Variants in PALLD observed in about 807,000 individuals in gnomAD.
PALLD encodes the protein palladin, cytoskeletal associated protein, also known as palladin.
Under a neutral mutation model 123.5 loss-of-function variants are expected in PALLD, and 61 were observed. The observed-to-expected ratio is 0.49, with a 90% CI of 0.40 to 0.61. The LOEUF (loss-of-function observed/expected upper bound fraction) is 0.61, where lower values mean the gene tolerates loss of function less well. Among genes scored for constraint, PALLD ranks in the 20% least tolerant of loss-of-function variants. The pLI is 0.00. For missense variants in PALLD, 1,273 were observed against 1,377.0 expected (o/e 0.92, Z 1.20); for synonymous variants, 465 against 496.4 (o/e 0.94, Z 0.84).
rs891132838 is a variant in PALLD, at chr4:168,869,011, T to C, written c.1965-21911T>C. On this transcript the variant is annotated intron_variant, in intron 10 of 21. Transcript: ENST00000505667. This position sits in a 1 kb window ranked among gnomAD's most constrained non-coding sequence, Gnocchi z 4.5. Reference sequence around the variant, plus strand: ...GGCACTGGTACAGGCTGCCACTGCCTGGAACATGATGGAGCGCCTCACAGA... The same window carrying C: ...GGCACTGGTACAGGCTGCCACTGCCCGGAACATGATGGAGCGCCTCACAGA... Among the ~76,000 whole-genome samples, 3 of 152,154 alleles carry C rather than the reference T, an allele frequency of 2.0e-5. No homozygotes were observed. Among genetic ancestry groups the C allele is most frequent in the Non-Finnish European group, 4.4e-5 (3 of 68,036 alleles).
At chr4:168,899,683 G>C (rs751386108) in intron 14 of PALLD, among the ~76,000 whole-genome samples, 1 of 152,124 alleles carries the variant, frequency 6.6e-6, no homozygotes, top group Non-Finnish European at 1.5e-5. Context: ...TTGCGAGGCC[G>C]AGATGGGTGG....
intron 10 of PALLD, among the ~76,000 whole-genome samples, chr4:168,736,896 A>AG (rs1787812593): frequency 6.6e-6 from 1 of 152,016 alleles, no homozygotes; most frequent in South Asian, 2.1e-4. Context: ...TGGGAGGGGG[A>AG]GGGGAGTGGT....
chr4:168,833,720 G>A (rs1744684409), intron 10 of PALLD, among the ~76,000 whole-genome samples: 1 of 151,436 alleles, frequency 6.6e-6, no homozygotes, highest in African/African-American at 2.4e-5. Context: ...TAGAAAGACA[G>A]CATCTTTCTT....
At chr4:168,558,096 T>C (rs1767505808) in intron 2 of PALLD, among the ~76,000 whole-genome samples, 1 of 152,200 alleles carries the variant, frequency 6.6e-6, no homozygotes, top group Non-Finnish European at 1.5e-5. Context: ...CCTCAGCTCC[T>C]GCAAATCAGT....
At position 168,605,036 on chromosome 4, in the gene PALLD, T is replaced by C. The variant is rs187300832; in HGVS notation, c.909-63154T>C. Reference sequence around the variant, plus strand: ...GTTTGTCGAAGTCTTTGTACTCTGATACCTTCTTTGGAATATCAAATATAA... The same window carrying C: ...GTTTGTCGAAGTCTTTGTACTCTGACACCTTCTTTGGAATATCAAATATAA... On this transcript the variant is annotated intron_variant, in intron 2 of 21. Coordinates refer to ENST00000505667, the MANE Select transcript of PALLD (RefSeq NM_001166108.2). Among the ~76,000 whole-genome samples, 394 of 152,340 alleles carry C rather than the reference T, an allele frequency of 2.6e-3. 1 individual carries two copies. The highest frequency in any genetic ancestry group is 8.9e-3 in the African/African-American group (370 of 41,576).
intron 2 of PALLD, among the ~76,000 whole-genome samples, chr4:168,531,178 A>C (rs1316942622): frequency 1.3e-5 from 2 of 152,196 alleles, no homozygotes; most frequent in Non-Finnish European, 2.9e-5. Flanking sequence ...TTGTGGGACC[A>C]TGTGGTGATT....
At chr4:168,833,878 T>C (rs954428076) in intron 10 of PALLD, among the ~76,000 whole-genome samples, 1 of 150,554 alleles carries the variant, frequency 6.6e-6, no homozygotes, top group Non-Finnish European at 1.5e-5. Flanking sequence ...GAAGCTAATG[T>C]ACCCCTATGC....
At chr4:168,608,845 TAACTA>T (rs1334181648) in intron 2 of PALLD, among the ~76,000 whole-genome samples, 1 of 142,828 alleles carries the variant, frequency 7.0e-6, no homozygotes, top group African/African-American at 2.6e-5. Context: ...CGGAAAGCTA[TAACTA>T]TTTTTTTTTT....
chr4:168,878,099 G>A lies in PALLD; in HGVS notation c.1965-12823G>A, dbSNP rs907897412. The A allele has an allele frequency of 2.8e-6, 4 of 1,443,228 alleles. No individual in the cohort carries two copies. Among genetic ancestry groups the A allele is most frequent in the South Asian group, 1.4e-5 (1 of 70,846 alleles). The allele number at this position is 1,443,228 out of a possible 1,614,324, so 89.4% of individuals were successfully genotyped here. On this transcript the variant is annotated intron_variant, in intron 10 of 21. Coordinates refer to ENST00000505667, the MANE Select transcript of PALLD (RefSeq NM_001166108.2). Reference sequence around the variant, plus strand: ...CGGCCGCGCCCCCGTGCCGCCCTTCGCGCAGCCCTTCGGCGCTGAGCCCGA... The same window carrying A: ...CGGCCGCGCCCCCGTGCCGCCCTTCACGCAGCCCTTCGGCGCTGAGCCCGA...
chr4:168,782,284 T>G (rs1285990662), intron 10 of PALLD, among the ~76,000 whole-genome samples: 1 of 152,218 alleles, frequency 6.6e-6, no homozygotes, highest in Non-Finnish European at 1.5e-5. Flanking sequence ...GTGCTGTTGA[T>G]GTAGAGCGAA....
In PALLD at chr4:168,736,064, G is replaced by A. The variant is rs185450507; in HGVS notation, c.1964+24141G>A. Among the ~76,000 whole-genome samples, 26 of 152,366 alleles carry A rather than the reference G, an allele frequency of 1.7e-4. 1 individual carries two copies. Among genetic ancestry groups the A allele is most frequent in the East Asian group, 7.7e-4 (4 of 5,190 alleles). Reference sequence around the variant, plus strand: ...AAGCTCTGCCACTGGAGCTCATTCAGTGGCTCAATGAGTGGCAGAGCTTGG... The same window carrying A: ...AAGCTCTGCCACTGGAGCTCATTCAATGGCTCAATGAGTGGCAGAGCTTGG... On this transcript the variant is annotated intron_variant, in intron 10 of 21. Coordinates refer to ENST00000505667, the MANE Select transcript of PALLD (RefSeq NM_001166108.2).
intron 2 of PALLD, among the ~76,000 whole-genome samples, chr4:168,548,917 G>A (rs1254253407): frequency 3.3e-5 from 5 of 152,024 alleles, no homozygotes; most frequent in South Asian, 4.1e-4. Context: ...GGAGGCCAAG[G>A]CAGGAGGTTT....
intron 8 of PALLD, among the ~76,000 whole-genome samples, chr4:168,708,076 G>T (rs552888558): frequency 6.6e-6 from 1 of 152,268 alleles, no homozygotes; most frequent in African/African-American, 2.4e-5. Context: ...CCCTATGTTA[G>T]TATTTATTAG....
intron 10 of PALLD, among the ~76,000 whole-genome samples, chr4:168,804,207 G>A (rs768314812): frequency 4.1e-5 from 6 of 147,354 alleles, no homozygotes; most frequent in African/African-American, 1.5e-4. Context: ...TGTGTAGAGC[G>A]AACTAGAAAT....
At chr4:168,751,184 G>T (rs968473563) in intron 10 of PALLD, among the ~76,000 whole-genome samples, 1 of 151,772 alleles carries the variant, frequency 6.6e-6, no homozygotes, top group Non-Finnish European at 1.5e-5. Flanking sequence ...GGCTAATTTT[G>T]TATTTTTAGT....
At chr4:168,550,310 A>G (rs1296531310) in intron 2 of PALLD, among the ~76,000 whole-genome samples, 1 of 152,194 alleles carries the variant, frequency 6.6e-6, no homozygotes, top group Non-Finnish European at 1.5e-5. Flanking sequence ...ACGAAAACAA[A>G]GAAAAATGGT....
intron 2 of PALLD, chr4:168,537,820 TTATC>T (rs1378345878): frequency 3.4e-4 from 51 of 152,222 alleles, no homozygotes; most frequent in African/African-American, 1.2e-3. Context: ...AGGGAAATTT[TTATC>T]TAAGTAGTTC....
At chr4:168,817,701 T>C (rs944618717) in intron 10 of PALLD, among the ~76,000 whole-genome samples, 2 of 152,190 alleles carry the variant, frequency 1.3e-5, no homozygotes, top group African/African-American at 4.8e-5. Flanking sequence ...CTCCTAAACA[T>C]AATTTGAAAC....
chr4:168,639,797 G>A (rs187774657), intron 2 of PALLD, among the ~76,000 whole-genome samples: 9 of 152,198 alleles, frequency 5.9e-5, no homozygotes, highest in Admixed American at 2.0e-4. Flanking sequence ...GCCCGCCTCG[G>A]CCACCCAAAG....
Sources: gnomAD v4.1 joint callset for allele counts (sites outside exome capture counted in the v4.1 genomes callset) on GRCh38, gnomAD v4.1.1 for gene constraint, Gnocchi (gnomAD v3.1) non-coding constraint, MANE v1.5 for transcripts, NCBI Gene and HGNC (gene_info 2026-07-23, HGNC 2026-07-21) for gene names.